Variants in MRPS6 observed in about 807,000 individuals in gnomAD.
MRPS6 encodes mitochondrial ribosomal protein S6, also known as small ribosomal subunit protein bS6m.
In MRPS6, 6 loss-of-function variants were observed where a neutral mutation model predicts 13.1. That is an observed-to-expected ratio of 0.46 (90% CI 0.25 to 0.91). The LOEUF (loss-of-function observed/expected upper bound fraction) is 0.91, where lower values mean the gene tolerates loss of function less well. Among genes scored for constraint, MRPS6 ranks in the 40% least tolerant of loss-of-function variants. The pLI, the probability that MRPS6 is intolerant of heterozygous loss-of-function variation, is 0.18. For missense variants in MRPS6, 164 were observed against 155.6 expected, an observed-to-expected ratio of 1.05 and a Z score of -0.29; for synonymous variants, 61 against 56.5, an observed-to-expected ratio of 1.08 and a Z score of -0.36.
intron 1 of MRPS6, among the ~76,000 whole-genome samples, chr21:34,114,390 A>G (rs1232402063): frequency 2.0e-5 from 3 of 152,144 alleles, no homozygotes; most frequent in African/African-American, 7.2e-5. Flanking sequence ...ATCTTTTACA[A>G]ACTGCAATTC....
chr21:34,081,720 A>T (rs1042069787), intron 1 of MRPS6, among the ~76,000 whole-genome samples: 1 of 152,162 alleles, frequency 6.6e-6, no homozygotes, highest in Non-Finnish European at 1.5e-5. Context: ...GTGACCTTGG[A>T]GGTAGTTAAG....
At chr21:34,097,669 A>G in intron 1 of MRPS6, 1 of 1,060,522 alleles carries the variant, frequency 9.4e-7, no homozygotes, top group South Asian at 3.9e-5. Context: ...GTTACCATGA[A>G]TTAAGGTATA....
chr21:34,074,011 C>CG (rs1200380419), intron 1 of MRPS6, among the ~76,000 whole-genome samples: 1 of 144,644 alleles, frequency 6.9e-6, no homozygotes, highest in African/African-American at 2.5e-5. Flanking sequence ...GCCCGCCGGG[C>CG]GGGGGGCGGG....
chr21:34,110,737 T>C (rs117231883), intron 1 of MRPS6, among the ~76,000 whole-genome samples: 1,566 of 152,300 alleles, frequency 0.01, 13 homozygotes, highest in Non-Finnish European at 0.016. Flanking sequence ...TCAATACGTG[T>C]TTGTCAATCA....
At chr21:34,077,592 TG>T (rs1277707416) in intron 1 of MRPS6, among the ~76,000 whole-genome samples, 8 of 152,208 alleles carry the variant, frequency 5.3e-5, no homozygotes, top group Non-Finnish European at 1.2e-4. Context: ...TATCTTCATA[TG>T]TTTTTCTAAT....
intron 1 of MRPS6, among the ~76,000 whole-genome samples, chr21:34,111,770 C>T (rs570900306): frequency 6.6e-6 from 1 of 152,168 alleles, no homozygotes; most frequent in Non-Finnish European, 1.5e-5. Context: ...AGGTAGGCCC[C>T]CTGTAAAGTC....
intron 1 of MRPS6, among the ~76,000 whole-genome samples, chr21:34,116,782 A>C (rs1979931181): frequency 6.6e-6 from 1 of 152,110 alleles, no homozygotes; most frequent in Admixed American, 6.6e-5. Context: ...TAGGTAATTA[A>C]CATTTATTGC....
At chr21:34,108,251 G>T (rs1157888417) in intron 1 of MRPS6, among the ~76,000 whole-genome samples, 1 of 152,118 alleles carries the variant, frequency 6.6e-6, no homozygotes, top group Non-Finnish European at 1.5e-5. Flanking sequence ...CATGGTAAGT[G>T]CCCTTTATGG....
At chr21:34,101,919 A>T in intron 1 of MRPS6, 1 of 1,000,200 alleles carries the variant, frequency 1.0e-6, no homozygotes, top group Non-Finnish European at 1.2e-6. Context: ...CTTTGAAATG[A>T]TGGTGTCAGA....
intron 1 of MRPS6, among the ~76,000 whole-genome samples, chr21:34,121,856 G>T (rs570996893): frequency 6.6e-6 from 1 of 152,118 alleles, no homozygotes; most frequent in African/African-American, 2.4e-5. Flanking sequence ...TGGCAACCTG[G>T]GTTGATAAAG....
At chr21:34,082,053 TG>T (rs950853296) in intron 1 of MRPS6, among the ~76,000 whole-genome samples, 1 of 141,936 alleles carries the variant, frequency 7.0e-6, no homozygotes, top group South Asian at 2.1e-4. Flanking sequence ...ATAGGAAATC[TG>T]GTTTTTTTTT....
intron 2 of MRPS6, among the ~76,000 whole-genome samples, chr21:34,140,491 C>T (rs543403494): frequency 8.5e-5 from 13 of 152,160 alleles, no homozygotes; most frequent in East Asian, 5.8e-4. Context: ...TGGTTGGCCT[C>T]GGTAAATGTT....
At chr21:34,129,223 A>G (rs1189880491) in intron 2 of MRPS6, among the ~76,000 whole-genome samples, 2 of 152,156 alleles carry the variant, frequency 1.3e-5, no homozygotes, top group Non-Finnish European at 2.9e-5. Context: ...ACCCTTTGCC[A>G]GAACCACGTC....
In MRPS6 at chr21:34,142,780, C is replaced by A; in HGVS notation, c.*180C>A. The A allele has an allele frequency of 1.7e-6, 1 of 571,586 alleles. No individual in the cohort carries two copies. The highest frequency in any genetic ancestry group is 2.8e-6 in the Non-Finnish European group (1 of 359,894). 35.4% of individuals were successfully genotyped at this position (571,586 alleles called of 1,614,324 possible). A position where few individuals can be genotyped will look rare whatever the true frequency, so the allele number is the denominator to read the frequency against. On this transcript the variant is annotated 3_prime_UTR_variant, in exon 3 of 3. Coordinates refer to ENST00000399312, the MANE Select transcript of MRPS6 (RefSeq NM_032476.4). ...CTTGCGAGAGGTGGGGAACTGCTCA[C>A]TGACAGCTTCTCTGTAACCTGCAGT... is the stretch of plus-strand genomic sequence containing the variant.
intron 1 of MRPS6, among the ~76,000 whole-genome samples, chr21:34,081,343 A>G (rs536828987): frequency 1.3e-5 from 2 of 152,312 alleles, no homozygotes; most frequent in East Asian, 3.9e-4. Context: ...TTGGCAAATA[A>G]ATGTATGTTT....
At position 34,096,706 on chromosome 21, in the gene MRPS6, C is replaced by A; in HGVS notation, c.45+22961C>A. 6.2e-7 allele frequency: 1 copy of A among 1,614,024 alleles called. No individual in the cohort carries two copies. Among genetic ancestry groups the A allele is most frequent in the Non-Finnish European group, 8.5e-7 (1 of 1,179,990 alleles). ...GAATGTGACCAACCTGATAATAGGC[C>A]GGGCTTCATCAAAGACATCCATTAT... On this transcript the variant is annotated intron_variant, in intron 1 of 2. Coordinates refer to ENST00000399312, the MANE Select transcript of MRPS6 (RefSeq NM_032476.4). This position sits in a 1 kb window ranked among gnomAD's most constrained non-coding sequence, Gnocchi z 5.9.
chr21:34,095,490 A>G (rs1456301659), intron 1 of MRPS6: 2 of 1,614,032 alleles, frequency 1.2e-6, no homozygotes, highest in South Asian at 1.1e-5. Flanking sequence ...ATGGGTTTTC[A>G]TCCCAATTTA....
intron 1 of MRPS6, chr21:34,123,056 TTTATC>T (rs1344805646): frequency 2.0e-5 from 3 of 152,198 alleles, no homozygotes; most frequent in Non-Finnish European, 2.9e-5. Flanking sequence ...AAATTTCTGT[TTTATC>T]TTAAGGTTGG....
At chr21:34,084,420 G>GT in intron 1 of MRPS6, among the ~76,000 whole-genome samples, 1 of 152,260 alleles carries the variant, frequency 6.6e-6, no homozygotes, top group South Asian at 2.1e-4. Flanking sequence ...AGTTGACCTG[G>GT]TAGGATGTTT....
Sources: allele counts gnomAD v4.1 joint callset (sites outside exome capture counted in the v4.1 genomes callset), GRCh38; gene constraint gnomAD v4.1.1; non-coding constraint Gnocchi (gnomAD v3.1); transcripts MANE v1.5; gene names NCBI Gene and HGNC (gene_info 2026-07-23, HGNC 2026-07-21).